CIAO2A: variants seen among roughly 807,000 people sequenced by gnomAD.
The protein encoded by CIAO2A is MIP18 family protein FAM96A.
CIAO2A carries 17 observed loss-of-function variants against 22.4 expected under a neutral mutation model. The ratio of observed to expected loss-of-function variants is 0.76; its 90% CI spans 0.52 to 1.14. The LOEUF (loss-of-function observed/expected upper bound fraction) is 1.14. Ranked by LOEUF, CIAO2A falls within the 50% of genes most tolerant of loss-of-function variation. The probability of loss-of-function intolerance (pLI) is 0.00; values close to 1 mark genes in which losing one functional copy is unlikely to be tolerated. For missense variants in CIAO2A, 192 were observed against 191.4 expected, an observed-to-expected ratio of 1.00 and a Z score of -0.02; for synonymous variants, 74 against 72.3, an observed-to-expected ratio of 1.02 and a Z score of -0.12.
chr15:64,084,684 G>A (rs2080780273), intron 2 of CIAO2A, among the ~76,000 whole-genome samples: 1 of 152,054 alleles, frequency 6.6e-6, no homozygotes, highest in Non-Finnish European at 1.5e-5. Context: ...CAGGAGAATC[G>A]CTTGAACCTG....
At chr15:64,078,850 C>G (rs2140107375) in intron 3 of CIAO2A, among the ~76,000 whole-genome samples, 1 of 152,074 alleles carries the variant, frequency 6.6e-6, no homozygotes, top group Non-Finnish European at 1.5e-5. Flanking sequence ...TCACGAACAG[C>G]TTGGGCAACA....
At chr15:64,076,954 T>G (rs1002377218) in intron 3 of CIAO2A, among the ~76,000 whole-genome samples, 6 of 152,000 alleles carry the variant, frequency 3.9e-5, no homozygotes, top group Non-Finnish European at 8.8e-5. Flanking sequence ...GATCCGCCCA[T>G]CTAGGCCTCC....
chr15:64,092,949 C>G (rs2080853453), intron 1 of CIAO2A, among the ~76,000 whole-genome samples: 1 of 152,250 alleles, frequency 6.6e-6, no homozygotes, highest in Non-Finnish European at 1.5e-5. Context: ...CTTTTTGGCT[C>G]TGTTCCTTAC....
Position 64,093,655 on chromosome 15 carries a change from T to C in CIAO2A, c.114A>G (p.Leu38=). The C allele has an allele frequency of 1.2e-6, 2 of 1,613,806 alleles. No homozygotes were observed. Among genetic ancestry groups the C allele is most frequent in the South Asian group, 1.1e-5 (1 of 91,072 alleles). ...RQPRIMEEKA[L]EVYDLIRTIR... is the part of the protein sequence containing the mutation. ...GGTAAAATTAATTACCATAAACTTC[T>C]AGCGCTTTCTCTTCCATGATCCGGG... The change falls in exon 1 of 5, where the codon CTA becomes CTG. Residue 38 remains leucine, a synonymous_variant. Transcript: ENST00000300030.
chr15:64,078,737 C>T (rs2080739041), intron 3 of CIAO2A, among the ~76,000 whole-genome samples: 1 of 151,800 alleles, frequency 6.6e-6, no homozygotes, highest in African/African-American at 2.4e-5. Flanking sequence ...CTCTCTACAT[C>T]AGAAGACAAA....
chr15:64,080,258 C>T (rs1039114026), intron 3 of CIAO2A, among the ~76,000 whole-genome samples: 4 of 151,936 alleles, frequency 2.6e-5, no homozygotes, highest in African/African-American at 4.8e-5. Flanking sequence ...AATGGTGGTA[C>T]ATGCCTATAA....
rs754066400 is a variant in CIAO2A, at chr15:64,088,870, T to TA, written c.125-20dup. The TA allele has an allele frequency of 1.3e-6, 2 of 1,593,056 alleles. No homozygotes were observed. The highest frequency in any genetic ancestry group is 1.7e-6 in the Non-Finnish European group (2 of 1,172,688). On this transcript the variant is annotated intron_variant, in intron 1 of 4. Coordinates refer to ENST00000300030, the MANE Select transcript of CIAO2A (RefSeq NM_032231.7). ...ATCAAATCTAAAGAATCATCAGAGA[T>TA]AAGATATTCTATTAAAACATGACTA...
Position 64,090,953 on chromosome 15 carries a change from TTC to T in CIAO2A, c.125-2104_125-2103del, listed in dbSNP as rs142365665. ...TGGCCTTGGAGAAGACAAGATTTCT[TTC>T]TTACTCTGAGGCTGGAGAAAGAGAT... is the stretch of plus-strand genomic sequence containing the variant. On this transcript the variant is annotated intron_variant, in intron 1 of 4. Transcript: ENST00000300030. Among the ~76,000 whole-genome samples the T allele has an allele frequency of 1.4e-3, 218 of 152,258 alleles. 3 individuals carry two copies. The East Asian group carries it at 0.034, about 24-fold the overall frequency.
rs190814317 is a variant in CIAO2A, at chr15:64,081,404, C to A, written c.290-253G>T. Among the ~76,000 whole-genome samples the A allele has an allele frequency of 1.3e-3, 197 of 152,238 alleles. 3 individuals carry two copies. The highest frequency in any genetic ancestry group is 4.3e-3 in the African/African-American group (179 of 41,546). On this transcript the variant is annotated intron_variant, in intron 2 of 4. Transcript: ENST00000300030. ...ACAAATTATTAAACCAAAGTCACAACGTAACTTCCTCAAGGTCACTGAGTT... is the reference window on the plus strand; with the variant it reads ...ACAAATTATTAAACCAAAGTCACAAAGTAACTTCCTCAAGGTCACTGAGTT...
At chr15:64,073,627 G>T (rs1567303556) in intron 4 of CIAO2A, among the ~76,000 whole-genome samples, 1 of 151,986 alleles carries the variant, frequency 6.6e-6, no homozygotes, top group Non-Finnish European at 1.5e-5. Flanking sequence ...TTTGAGACAG[G>T]GTCCTGCTCT....
intron 1 of CIAO2A, among the ~76,000 whole-genome samples, chr15:64,091,070 G>A (rs2140117448): frequency 1.3e-5 from 2 of 152,314 alleles, no homozygotes; most frequent in South Asian, 4.1e-4. Context: ...TCTCAAATCT[G>A]AAGTTTTGTT....
chr15:64,083,781 G>A (rs1013736094), intron 2 of CIAO2A, among the ~76,000 whole-genome samples: 66 of 151,750 alleles, frequency 4.3e-4, no homozygotes, highest in African/African-American at 1.6e-3. Context: ...CGTCTCTATT[G>A]AAAATACAAA....
At chr15:64,086,536 T>A (rs1054144278) in intron 2 of CIAO2A, among the ~76,000 whole-genome samples, 1 of 152,128 alleles carries the variant, frequency 6.6e-6, no homozygotes, top group Non-Finnish European at 1.5e-5. Flanking sequence ...ACTTTCAGTA[T>A]CTGTTCGTTC....
intron 1 of CIAO2A, among the ~76,000 whole-genome samples, chr15:64,090,006 A>G (rs1178592875): frequency 6.6e-6 from 1 of 152,212 alleles, no homozygotes; most frequent in Non-Finnish European, 1.5e-5. Flanking sequence ...ACAAAGAATA[A>G]GTAGAACCTT....
intron 4 of CIAO2A, among the ~76,000 whole-genome samples, chr15:64,073,626 G>A (rs1191168394): frequency 6.6e-6 from 1 of 152,096 alleles, no homozygotes; most frequent in Non-Finnish European, 1.5e-5. Context: ...CTTTGAGACA[G>A]GGTCCTGCTC....
At chr15:64,078,659 A>AAG (rs1412776842) in intron 3 of CIAO2A, among the ~76,000 whole-genome samples, 1 of 151,110 alleles carries the variant, frequency 6.6e-6, no homozygotes, top group Non-Finnish European at 1.5e-5. Flanking sequence ...AAAAAAAGAA[A>AAG]AGAGAGAGAA....
chr15:64,073,219 A>G (rs1395619890), intron 4 of CIAO2A, among the ~76,000 whole-genome samples, 191 bp from the exon 5 acceptor site: 1 of 152,218 alleles, frequency 6.6e-6, no homozygotes. Flanking sequence ...CTAGAATTCT[A>G]CTACTTAACC....
At chr15:64,073,102 C>G (rs1196729927) in intron 4 of CIAO2A, 74 bp from the exon 5 acceptor site, 1 of 966,152 alleles carries the variant, frequency 1.0e-6, no homozygotes, top group Non-Finnish European at 1.6e-6. Flanking sequence ...TTTTATTAGC[C>G]TGCTGAAACA....
At position 64,089,160 on chromosome 15, in the gene CIAO2A, G is replaced by A. The variant is rs75099998; in HGVS notation, c.125-309C>T. Among the ~76,000 whole-genome samples, 1,007 of 152,264 alleles carry A rather than the reference G, an allele frequency of 6.6e-3. 10 individuals are homozygous for A. Among genetic ancestry groups the A allele is most frequent in the African/African-American group, 0.017 (694 of 41,552 alleles). On this transcript the variant is annotated intron_variant, in intron 1 of 4. Transcript: ENST00000300030. ...TCAGCTTGAAAGAATGTGGTTATCA[G>A]GCTTTATAGGAGCGGAATCTGAATC...
Sources: gnomAD v4.1 joint callset for allele counts (sites outside exome capture counted in the v4.1 genomes callset) on GRCh38, gnomAD v4.1.1 for gene constraint, MANE v1.5 for transcripts, NCBI Gene and HGNC (gene_info 2026-07-23, HGNC 2026-07-21) for gene names.